Variants in KIF26B observed in about 807,000 individuals in gnomAD.
KIF26B encodes the protein kinesin family member 26B.
In KIF26B, 63 loss-of-function variants were observed where a neutral mutation model predicts 151.2. The ratio of observed to expected loss-of-function variants is 0.42; its 90% confidence interval spans 0.34 to 0.51. The LOEUF is 0.51. Ranked by LOEUF, KIF26B falls within the 20% of genes least tolerant of loss-of-function variation. KIF26B has a pLI of 0.07. For missense variants in KIF26B, 2,813 were observed against 2,913.6 expected, an observed-to-expected ratio of 0.97 and a Z score of 0.79; for synonymous variants, 1,357 against 1,262.1, an observed-to-expected ratio of 1.08 and a Z score of -1.59.
At chr1:245,419,528 G>A in intron 3 of KIF26B, 51 bp from the exon 4 acceptor site, 1 of 1,541,850 alleles carries the variant, frequency 6.5e-7, no homozygotes, top group Non-Finnish European at 8.8e-7. Context: ...CAGTGGTCAG[G>A]AAAAGCAGTG....
At chr1:245,449,403 G>A (rs1290090352) in intron 4 of KIF26B, among the ~76,000 whole-genome samples, 1 of 152,088 alleles carries the variant, frequency 6.6e-6, no homozygotes, top group Non-Finnish European at 1.5e-5. Flanking sequence ...GGAGGCTTTA[G>A]AGGGCTGGCC....
chr1:245,621,775 T>G (rs983979624), intron 9 of KIF26B, among the ~76,000 whole-genome samples: 1 of 152,246 alleles, frequency 6.6e-6, no homozygotes, highest in Admixed American at 6.5e-5. Flanking sequence ...TTGTACTATT[T>G]CAAGTTAAGC....
chr1:245,380,875 G>A (rs1438986952), intron 3 of KIF26B, among the ~76,000 whole-genome samples: 4 of 151,194 alleles, frequency 2.6e-5, no homozygotes, highest in African/African-American at 9.8e-5. Flanking sequence ...AGAACTCAAT[G>A]CGCTGTATTG....
At chr1:245,272,478 G>C (rs778362387) in intron 2 of KIF26B, among the ~76,000 whole-genome samples, 3 of 148,280 alleles carry the variant, frequency 2.0e-5, no homozygotes, top group Non-Finnish European at 3.0e-5. Context: ...TGGTTTGGTT[G>C]TTTCTTTTTT....
chr1:245,501,255 C>G (rs1240965122), intron 4 of KIF26B, among the ~76,000 whole-genome samples: 4 of 152,156 alleles, frequency 2.6e-5, no homozygotes, highest in Admixed American at 6.5e-5. Flanking sequence ...GAGAAAAGGT[C>G]TTAACTTCTT....
chr1:245,410,416 C>A (rs573877018), intron 3 of KIF26B, among the ~76,000 whole-genome samples: 1 of 152,132 alleles, frequency 6.6e-6, no homozygotes, highest in Admixed American at 6.5e-5. Flanking sequence ...AAGTTGAGAA[C>A]AAGTAACACT....
chr1:245,695,283 G>A (rs941774860), intron 12 of KIF26B, among the ~76,000 whole-genome samples: 1 of 152,114 alleles, frequency 6.6e-6, no homozygotes, highest in African/African-American at 2.4e-5. Context: ...CCAGTAATGT[G>A]AGGGCACCAT....
Position 245,698,065 on chromosome 1 carries a change from AT to A in KIF26B, c.5825-39del. 1 of 1,558,754 alleles carries A rather than the reference AT, an allele frequency of 6.4e-7. No individual in the cohort carries two copies. The highest frequency in any genetic ancestry group is 1.4e-5 in the African/African-American group (1 of 72,376). ...TCAAAAAAACAACAAAAAAATTGAA[AT>A]TCAGAAAGACTAACTCTCTGGGCTT... On this transcript the variant is annotated intron_variant, in intron 12 of 14. Coordinates refer to ENST00000407071, the MANE Select transcript of KIF26B (RefSeq NM_018012.4). This position sits in a 1 kb window ranked among gnomAD's most constrained non-coding sequence, Gnocchi z 4.0.
chr1:245,580,537 G>T (rs368275083), intron 5 of KIF26B, among the ~76,000 whole-genome samples: 1 of 152,200 alleles, frequency 6.6e-6, no homozygotes, highest in Non-Finnish European at 1.5e-5. Flanking sequence ...AACCATGTTG[G>T]GGGGACAGAG....
chr1:245,520,149 C>T (rs1243245663), intron 4 of KIF26B, among the ~76,000 whole-genome samples: 5 of 71,562 alleles, frequency 7.0e-5, no homozygotes, highest in Admixed American at 3.6e-4. Context: ...GAGAGAGAGC[C>T]CTTCCCCAGC....
chr1:245,364,101 G>A (rs1672883546), intron 2 of KIF26B, among the ~76,000 whole-genome samples: 1 of 152,208 alleles, frequency 6.6e-6, no homozygotes, highest in South Asian at 2.1e-4. Flanking sequence ...TGAACTCTCA[G>A]AGAACGGGTG....
intron 3 of KIF26B, among the ~76,000 whole-genome samples, chr1:245,397,073 C>T (rs376391598): frequency 6.6e-6 from 1 of 151,986 alleles, no homozygotes; most frequent in Non-Finnish European, 1.5e-5. Context: ...AATCCTCACA[C>T]CACAGCCTCC....
chr1:245,669,023 C>A lies in KIF26B; in HGVS notation c.2259-15210C>A, dbSNP rs975033569. ...ATGTTTCTTTAAACCACACATGATACCCAGAAGGCATCATAATAGAGTTGG... is the reference window on the plus strand; with the variant it reads ...ATGTTTCTTTAAACCACACATGATAACCAGAAGGCATCATAATAGAGTTGG... On this transcript the variant is annotated intron_variant, in intron 10 of 14. Coordinates refer to ENST00000407071, the MANE Select transcript of KIF26B (RefSeq NM_018012.4). Among the ~76,000 whole-genome samples, 3 of 152,270 alleles carry A rather than the reference C, an allele frequency of 2.0e-5. No homozygotes were observed. In the South Asian group the frequency reaches 6.2e-4, roughly 32 times the overall value.
chr1:245,559,611 A>C (rs1014769284), intron 5 of KIF26B, among the ~76,000 whole-genome samples: 6 of 41,372 alleles, frequency 1.5e-4, no homozygotes, highest in African/African-American at 2.6e-4. Context: ...GCAGGGTTTC[A>C]CCATGTTGGT....
intron 4 of KIF26B, among the ~76,000 whole-genome samples, chr1:245,421,127 T>TGTTGCCCCATGCTCGGGCG (rs1658476460): frequency 6.6e-6 from 1 of 152,168 alleles, no homozygotes; most frequent in South Asian, 2.1e-4. Context: ...TCCCAGACCA[T>TGTTGCCCCATGCTCGGGCG]TAAGCAGGGA....
chr1:245,612,621 C>A (rs981986222), intron 9 of KIF26B, among the ~76,000 whole-genome samples: 1 of 152,114 alleles, frequency 6.6e-6, no homozygotes, highest in Non-Finnish European at 1.5e-5. Context: ...GTTCACAGAC[C>A]TCAAAAATGC....
intron 5 of KIF26B, among the ~76,000 whole-genome samples, chr1:245,577,599 C>G (rs1334117763): frequency 6.6e-6 from 1 of 151,278 alleles, no homozygotes; most frequent in Non-Finnish European, 1.5e-5. Context: ...TACGGAAGAG[C>G]TTTGTGGAAC....
At chr1:245,254,769 G>C (rs373023207) in intron 2 of KIF26B, among the ~76,000 whole-genome samples, 1 of 152,176 alleles carries the variant, frequency 6.6e-6, no homozygotes, top group Non-Finnish European at 1.5e-5. Context: ...TTCCAAGAGG[G>C]CTGTACCCTG....
At chr1:245,347,055 C>G (rs914312635) in intron 2 of KIF26B, among the ~76,000 whole-genome samples, 2 of 152,206 alleles carry the variant, frequency 1.3e-5, no homozygotes, top group African/African-American at 4.8e-5. Context: ...TCCTCTGTAC[C>G]TGTCTGTGCC....
Sources: gnomAD v4.1 joint callset for allele counts (sites outside exome capture counted in the v4.1 genomes callset) on GRCh38, gnomAD v4.1.1 for gene constraint, Gnocchi (gnomAD v3.1) non-coding constraint, MANE v1.5 for transcripts, NCBI Gene and HGNC (gene_info 2026-07-23, HGNC 2026-07-21) for gene names.